SBF2: variants seen among roughly 807,000 people sequenced by gnomAD.
The protein encoded by SBF2 is myotubularin-related protein 13.
A neutral mutation model predicts 225.2 loss-of-function variants in SBF2; 112 were observed. The observed-to-expected ratio is 0.50, with a 90% confidence interval of 0.43 to 0.58. The LOEUF (loss-of-function observed/expected upper bound fraction) is 0.58, where lower values mean the gene tolerates loss of function less well. Among genes scored for constraint, SBF2 ranks in the 20% least tolerant of loss-of-function variants. The pLI, the probability that SBF2 is intolerant of heterozygous loss-of-function variation, is 0.00. For synonymous variants in SBF2, 763 were observed against 773.3 expected, an observed-to-expected ratio of 0.99 and a Z score of 0.22; for missense variants, 1,996 against 2,206.2, an observed-to-expected ratio of 0.90 and a Z score of 1.91.
chr11:10,134,125 G>C (rs540841690), intron 2 of SBF2, among the ~76,000 whole-genome samples: 3 of 152,266 alleles, frequency 2.0e-5, no homozygotes, highest in South Asian at 2.1e-4. Context: ...AAGGTGAAAG[G>C]CATATCTCAC....
chr11:9,873,859 G>C (rs866897429), intron 17 of SBF2, among the ~76,000 whole-genome samples: 9 of 152,114 alleles, frequency 5.9e-5, no homozygotes, highest in South Asian at 2.1e-4. Flanking sequence ...GACCAGACTG[G>C]CCAACATGGT....
At chr11:10,027,286 T>C (rs1417926414) in intron 6 of SBF2, among the ~76,000 whole-genome samples, 1 of 152,208 alleles carries the variant, frequency 6.6e-6, no homozygotes, top group Non-Finnish European at 1.5e-5. Context: ...AGAATTACTT[T>C]GAAATTGATA....
chr11:10,062,200 T>G (rs930384734), intron 2 of SBF2, among the ~76,000 whole-genome samples: 1 of 152,182 alleles, frequency 6.6e-6, no homozygotes, highest in African/African-American at 2.4e-5. Context: ...CATGATGAAT[T>G]AAAGACTTAA....
intron 2 of SBF2, among the ~76,000 whole-genome samples, chr11:10,075,945 A>T (rs1951083394): frequency 2.0e-5 from 3 of 151,868 alleles, no homozygotes; most frequent in Admixed American, 1.3e-4. Context: ...CTTTGTTACC[A>T]TAGCTCACCC....
chr11:10,009,055 G>C (rs1948327665), intron 6 of SBF2, among the ~76,000 whole-genome samples: 1 of 152,038 alleles, frequency 6.6e-6, no homozygotes, highest in African/African-American at 2.4e-5. Context: ...AGCCCTTTTG[G>C]GTAGAGATAT....
chr11:9,884,583 C>T (rs567022094), intron 17 of SBF2, among the ~76,000 whole-genome samples: 5 of 152,258 alleles, frequency 3.3e-5, no homozygotes, highest in African/African-American at 1.2e-4. Flanking sequence ...TTCTCCTTAT[C>T]CTAAGGTTGC....
chr11:10,012,867 A>C (rs577647714), intron 6 of SBF2, among the ~76,000 whole-genome samples: 3 of 152,046 alleles, frequency 2.0e-5, no homozygotes, highest in South Asian at 4.2e-4. Context: ...TCTGGTTTAA[A>C]ATTTTTTATT....
chr11:10,147,888 C>A (rs1360945243), intron 2 of SBF2, among the ~76,000 whole-genome samples: 2 of 152,014 alleles, frequency 1.3e-5, no homozygotes, highest in African/African-American at 4.8e-5. Flanking sequence ...CAATAAATAG[C>A]AGCTACTAGA....
chr11:10,158,822 C>G (rs1483855107), intron 2 of SBF2, among the ~76,000 whole-genome samples: 1 of 152,126 alleles, frequency 6.6e-6, no homozygotes, highest in Non-Finnish European at 1.5e-5. Context: ...GGATTTATCC[C>G]TGGAGGGCAA....
intron 6 of SBF2, among the ~76,000 whole-genome samples, chr11:10,011,520 T>G (rs1157840159): frequency 6.6e-6 from 1 of 152,200 alleles, no homozygotes; most frequent in East Asian, 1.9e-4. Context: ...CGCCTGGCCT[T>G]CCTTTTGTAT....
At chr11:9,885,251 CAAA>C (rs71453937) in intron 17 of SBF2, among the ~76,000 whole-genome samples, 8 of 38,278 alleles carry the variant, frequency 2.1e-4, no homozygotes, top group East Asian at 1.1e-3. Context: ...ACTTTTCCTC[CAAA>C]AAAAAAAAAA....
At chr11:10,019,389 C>A (rs1236984760) in intron 6 of SBF2, among the ~76,000 whole-genome samples, 1 of 152,110 alleles carries the variant, frequency 6.6e-6, no homozygotes, top group African/African-American at 2.4e-5. Flanking sequence ...TAATTTGCTT[C>A]AAATCCCCAA....
At chr11:9,905,770 C>T (rs1254989335) in intron 16 of SBF2, among the ~76,000 whole-genome samples, 1 of 152,076 alleles carries the variant, frequency 6.6e-6, no homozygotes, top group African/African-American at 2.4e-5. Context: ...ACTGTTAAAA[C>T]TCAGTAGCAG....
At chr11:10,101,659 CTGTGTGTG>C (rs144213559) in intron 2 of SBF2, among the ~76,000 whole-genome samples, 1,792 of 147,814 alleles carry the variant, frequency 0.012, 17 homozygotes, top group African/African-American at 0.029. Context: ...CTCTCTCGCT[CTGTGTGTG>C]TGTGTGTGTG....
chr11:10,089,498 T>C (rs974396662), intron 2 of SBF2, among the ~76,000 whole-genome samples: 17 of 152,212 alleles, frequency 1.1e-4, no homozygotes, highest in African/African-American at 4.1e-4. Context: ...GTTCAAGTGA[T>C]GGGTCAATCT....
chr11:10,055,068 A>G (rs1227691801), intron 2 of SBF2, among the ~76,000 whole-genome samples: 1 of 151,872 alleles, frequency 6.6e-6, no homozygotes, highest in African/African-American at 2.4e-5. Flanking sequence ...TGCCTGGTTA[A>G]TTTTCGTATT....
At chr11:10,137,342 CAG>C (rs1954423936) in intron 2 of SBF2, among the ~76,000 whole-genome samples, 1 of 152,202 alleles carries the variant, frequency 6.6e-6, no homozygotes, top group African/African-American at 2.4e-5. Context: ...CAACTACAAA[CAG>C]GGACAGATTT....
intron 1 of SBF2, among the ~76,000 whole-genome samples, chr11:10,200,353 C>T (rs555397644): frequency 6.6e-6 from 1 of 152,230 alleles, no homozygotes; most frequent in South Asian, 2.1e-4. Context: ...AACAGCACTC[C>T]AACCTGAACA....
At chr11:9,860,428 C>T (rs1857640556) in intron 17 of SBF2, among the ~76,000 whole-genome samples, 1 of 151,976 alleles carries the variant, frequency 6.6e-6, no homozygotes, top group Admixed American at 6.6e-5. Context: ...TGCTCCACCA[C>T]ACCCAGCAAT....
Sources: allele counts gnomAD v4.1 joint callset (sites outside exome capture counted in the v4.1 genomes callset), GRCh38; gene constraint gnomAD v4.1.1; transcripts MANE v1.5; gene names NCBI Gene and HGNC (gene_info 2026-07-23, HGNC 2026-07-21).